The following WDR1 variants were observed in gnomAD, a reference collection of about 807,000 sequenced individuals.
WDR1 encodes WD repeat-containing protein 1.
Under a neutral mutation model 71.9 loss-of-function variants are expected in WDR1, and 21 were observed. The observed-to-expected ratio is 0.29, with a 90% confidence interval of 0.21 to 0.42. The LOEUF (loss-of-function observed/expected upper bound fraction) is 0.42, where lower values mean the gene tolerates loss of function less well. Ranked by LOEUF, WDR1 falls within the 10% of genes least tolerant of loss-of-function variation. WDR1 has a pLI of 1.00. For missense variants in WDR1, 696 were observed against 824.5 expected (o/e 0.84, Z 1.91); for synonymous variants, 424 against 347.4 (o/e 1.22, Z -2.45).
intron 2 of WDR1, among the ~76,000 whole-genome samples, chr4:10,115,059 C>G (rs943277259): frequency 1.3e-5 from 2 of 152,246 alleles, no homozygotes; most frequent in African/African-American, 4.8e-5. Context: ...TCCCAACCTA[C>G]CAAGGGAAAT....
Position 10,116,167 on chromosome 4 carries a change from C to A in WDR1, c.84G>T (p.Lys28Asn), listed in dbSNP as rs374784065. The change falls in exon 2 of 15, where the codon AAG (lysine) becomes AAT (asparagine). Residue 28 changes from lysine to asparagine, a missense_variant. By Grantham distance (94) the Lys-to-Asn change is moderately conservative (BLOSUM62 0). Coordinates refer to ENST00000499869, the MANE Select transcript of WDR1 (RefSeq NM_017491.5). ...CATTGGTGTACAGAAAATTGTTGCC[C>A]TTAGGGTCGCCGCCGATGATCTTGG... ...GVSKIIGGDP[K>N]GNNFLYTNGK... The A allele has an allele frequency of 1.2e-6, 2 of 1,613,658 alleles. No individual in the cohort carries two copies. The highest frequency in any genetic ancestry group is 1.7e-6 in the Non-Finnish European group (2 of 1,179,814).
In WDR1 at chr4:10,116,070, G is replaced by T. The variant is rs753535405; in HGVS notation, c.138+43C>A. On this transcript the variant is annotated intron_variant, in intron 2 of 14. Transcript: ENST00000499869. Reference sequence around the variant, plus strand: ...GGAAGGCGAATTATCCCATCCCAAGGTGGCTCCGGAGCAGAACCGCGCCCG... The same window carrying T: ...GGAAGGCGAATTATCCCATCCCAAGTTGGCTCCGGAGCAGAACCGCGCCCG... 8.1e-6 allele frequency: 13 copies of T among 1,597,390 alleles called. No homozygotes were observed. In the South Asian group the frequency reaches 1.4e-4, roughly 18 times the overall value.
chr4:10,087,906 G>A lies in WDR1; in HGVS notation c.752C>T (p.Ser251Phe). The change falls in exon 8 of 15, where the codon TCT (serine) becomes TTT (phenylalanine). Residue 251 changes from serine to phenylalanine, a missense_variant. Physicochemically the swap from Ser to Phe is radical, Grantham distance 155. Transcript: ENST00000499869. ...CTTGGAAGTTTTGTCCCCAGAAGCA[G>A]AAAGCAAATGGGTGCTGTCGGGACT... ...SWSPDSTHLLSASGDKTSKIW... is the reference protein window; with the variant it reads ...SWSPDSTHLLFASGDKTSKIW... 6.4e-7 allele frequency: 1 copy of A among 1,559,742 alleles called. No individual in the cohort carries two copies. Among genetic ancestry groups the A allele is most frequent in the Non-Finnish European group, 8.7e-7 (1 of 1,151,020 alleles).
intron 3 of WDR1, 35 bp from the exon 4 acceptor site, chr4:10,099,174 C>CGGGG: frequency 1.8e-5 from 2 of 109,370 alleles, no homozygotes; most frequent in Non-Finnish European, 3.6e-5. Context: ...GGGGGGGAGG[C>CGGGG]GGTGGTGGGG....
intron 2 of WDR1, among the ~76,000 whole-genome samples, chr4:10,114,086 CCTTTA>C (rs1713560503): frequency 2.0e-5 from 3 of 152,166 alleles, no homozygotes; most frequent in Admixed American, 2.0e-4. Context: ...ATCGTACCCA[CCTTTA>C]CTTGAGTACC....
intron 2 of WDR1, among the ~76,000 whole-genome samples, chr4:10,111,328 T>C (rs1001701019): frequency 2.0e-5 from 3 of 152,004 alleles, no homozygotes; most frequent in Admixed American, 2.0e-4. Flanking sequence ...CCAGATGTGG[T>C]CCCATCTGCA....
chr4:10,103,776 T>G, intron 3 of WDR1, 120 bp downstream of exon 3: 1 of 180,008 alleles, frequency 5.6e-6, no homozygotes, highest in Non-Finnish European at 1.1e-5. Context: ...CCCAGCCTGC[T>G]CCCCCACCCC....
At chr4:10,081,557 C>A in intron 10 of WDR1, 113 bp from the exon 11 acceptor site, 1 of 897,760 alleles carries the variant, frequency 1.1e-6, no homozygotes, top group Non-Finnish European at 1.8e-6. Context: ...AATTCTATTG[C>A]CACCTATACT....
intron 3 of WDR1, among the ~76,000 whole-genome samples, chr4:10,101,609 C>T (rs898964506): frequency 9.2e-5 from 14 of 152,258 alleles, no homozygotes; most frequent in African/African-American, 3.4e-4. Flanking sequence ...CAGCGTCCCA[C>T]GATGGCCACT....
chr4:10,093,159 T>C (rs3822245), intron 5 of WDR1: 883,502 of 1,288,624 alleles, frequency 0.69, 306,393 homozygotes, highest in Middle Eastern at 0.74. Context: ...AGCACACACA[T>C]GCTCACTACC....
intron 2 of WDR1, among the ~76,000 whole-genome samples, chr4:10,115,443 C>A (rs1001997514): frequency 4.6e-5 from 7 of 152,236 alleles, no homozygotes; most frequent in Non-Finnish European, 1.0e-4. Flanking sequence ...GGCTTAGATC[C>A]ATGGTGGCAG....
chr4:10,097,615 G>A (rs910271014), intron 5 of WDR1, 96 bp downstream of exon 5: 1 of 1,383,594 alleles, frequency 7.2e-7, no homozygotes, highest in African/African-American at 1.4e-5. Flanking sequence ...TACGTGGCAT[G>A]TGCTGTGGTC....
intron 11 of WDR1, 64 bp from the exon 12 acceptor site, chr4:10,079,065 G>A: frequency 7.4e-7 from 1 of 1,346,288 alleles, no homozygotes; most frequent in Non-Finnish European, 1.0e-6. Context: ...CTCAGTGGTA[G>A]GAGGGGCGCG....
intron 9 of WDR1, among the ~76,000 whole-genome samples, chr4:10,084,130 T>C (rs763089638): frequency 6.3e-4 from 96 of 152,204 alleles, no homozygotes; most frequent in Middle Eastern, 3.4e-3. Flanking sequence ...TTGGCAGAGG[T>C]AGTGGCAGCC....
rs575129785 is a variant in WDR1, at chr4:10,077,467, C to G, written c.1570-19G>C. On this transcript the variant is annotated intron_variant, in intron 13 of 14. Coordinates refer to ENST00000499869, the MANE Select transcript of WDR1 (RefSeq NM_017491.5). ...TGTTCTCCTAGTTGCAGGTTGAAAA[C>G]AAGAGAGGTGGCAGGTCAGGTTCAG... is the stretch of plus-strand genomic sequence containing the variant. The G allele has an allele frequency of 6.2e-6, 10 of 1,613,722 alleles. No homozygotes were observed. Among genetic ancestry groups the G allele is most frequent in the Middle Eastern group, 1.6e-4 (1 of 6,078 alleles).
chr4:10,105,588 A>G (rs1007609448), intron 2 of WDR1, among the ~76,000 whole-genome samples: 32 of 152,340 alleles, frequency 2.1e-4, no homozygotes, highest in African/African-American at 6.3e-4. Context: ...CATACTCACT[A>G]GAATCAATAA....
chr4:10,091,746 C>A (rs545303221), intron 5 of WDR1: 2 of 152,338 alleles, frequency 1.3e-5, no homozygotes, highest in African/African-American at 2.4e-5. Context: ...CGGGGTTAGC[C>A]GATGGGGTCC....
Position 10,097,669 on chromosome 4 carries a change from T to C in WDR1, c.558+42A>G, listed in dbSNP as rs577483053. The C allele has an allele frequency of 6.3e-5, 100 of 1,585,636 alleles. No homozygotes were observed. In the South Asian group the frequency reaches 9.8e-4, roughly 16 times the overall value. ...ACAGGCTCAGCCTCTGCTAGCCTCA[T>C]GTACAAACCACAAATTTCACCCAAA... On this transcript the variant is annotated intron_variant, in intron 5 of 14. Transcript: ENST00000499869.
At chr4:10,093,001 C>A (rs183477838) in intron 5 of WDR1, 90 of 1,236,352 alleles carry the variant, frequency 7.3e-5, no homozygotes, top group Admixed American at 1.1e-4. Context: ...AGCCCCCCTC[C>A]CCACAGTCCT....
Sources: gnomAD v4.1 joint callset for allele counts (sites outside exome capture counted in the v4.1 genomes callset) on GRCh38, gnomAD v4.1.1 for gene constraint, MANE v1.5 for transcripts, NCBI Gene and HGNC (gene_info 2026-07-23, HGNC 2026-07-21) for gene names.